VAT1L: variants seen among roughly 807,000 people sequenced by gnomAD.
VAT1L encodes vesicle amine transport 1 like.
In VAT1L, 34 loss-of-function variants were observed where a neutral mutation model predicts 44.1. That is an observed-to-expected ratio of 0.77 (90% CI 0.59 to 1.03). The LOEUF (loss-of-function observed/expected upper bound fraction) is 1.03, where lower values mean the gene tolerates loss of function less well. Ranked by LOEUF, VAT1L falls within the 50% of genes least tolerant of loss-of-function variation. VAT1L has a pLI of 0.00. For synonymous variants in VAT1L, 253 were observed against 202.2 expected (o/e 1.25, Z -2.13); for missense variants, 615 against 538.8 (o/e 1.14, Z -1.40).
intron 5 of VAT1L, 111 bp downstream of exon 5, chr16:77,876,584 G>A: frequency 1.1e-6 from 1 of 890,948 alleles, no homozygotes; most frequent in Non-Finnish European, 1.8e-6. Flanking sequence ...AGTGGGATGG[G>A]GGTGTTTCAT....
rs1042550238 is a variant in VAT1L at position 77,979,110 on chromosome 16, A to C, written c.*1415A>C. 4 of 152,644 alleles carry C rather than the reference A, an allele frequency of 2.6e-5. No homozygotes were observed. Among genetic ancestry groups the C allele is most frequent in the African/African-American group, 9.6e-5 (4 of 41,462 alleles). The allele number at this position is 152,644 out of a possible 1,614,324, so 9.5% of individuals were successfully genotyped here. The stretch of plus-strand genomic sequence containing the variant: ...CCAACCCTTTCCGCAAGTGGTAGGA[A>C]CGAATGCATCTTAGCAATTACCTGA... On this transcript the variant is annotated 3_prime_UTR_variant, in exon 9 of 9. Transcript: ENST00000302536.
chr16:77,863,666 C>T (rs562359983), intron 4 of VAT1L, among the ~76,000 whole-genome samples: 1 of 152,126 alleles, frequency 6.6e-6, no homozygotes, highest in African/African-American at 2.4e-5. Context: ...AATGCAAGAG[C>T]CTCAGAGGCT....
At chr16:77,856,305 A>G (rs186840360) in intron 3 of VAT1L, among the ~76,000 whole-genome samples, 22 of 152,196 alleles carry the variant, frequency 1.4e-4, no homozygotes, top group African/African-American at 4.8e-4. Flanking sequence ...CATTTTCCTA[A>G]GCCATCCATT....
At chr16:77,923,523 A>AT (rs1034021938) in intron 7 of VAT1L, among the ~76,000 whole-genome samples, 22 of 152,308 alleles carry the variant, frequency 1.4e-4, no homozygotes, top group African/African-American at 4.8e-4. Context: ...GGAAAGATTG[A>AT]TGTTAACAAA....
At chr16:77,908,625 G>C (rs1012205395) in intron 7 of VAT1L, among the ~76,000 whole-genome samples, 2 of 152,136 alleles carry the variant, frequency 1.3e-5, no homozygotes, top group East Asian at 3.9e-4. Flanking sequence ...GCTCAAGACA[G>C]GAAAAGGAGG....
chr16:77,809,001 G>A (rs1429731763), intron 1 of VAT1L, among the ~76,000 whole-genome samples: 1 of 152,218 alleles, frequency 6.6e-6, no homozygotes. Context: ...TAGGCTCAAT[G>A]TGCTAGTTGA....
At chr16:77,894,920 C>G (rs1005986999) in intron 7 of VAT1L, among the ~76,000 whole-genome samples, 1 of 152,104 alleles carries the variant, frequency 6.6e-6, no homozygotes, top group Non-Finnish European at 1.5e-5. Flanking sequence ...TGTGTGGCCT[C>G]AGAAAACCAT....
chr16:77,977,243 C>T (rs2142550411), intron 8 of VAT1L, among the ~76,000 whole-genome samples: 1 of 152,264 alleles, frequency 6.6e-6, no homozygotes, highest in South Asian at 2.1e-4. Flanking sequence ...GATGTGTCCC[C>T]CAGGGTCTCT....
At chr16:77,976,562 T>C (rs1274588941) in intron 8 of VAT1L, among the ~76,000 whole-genome samples, 2 of 152,062 alleles carry the variant, frequency 1.3e-5, no homozygotes, top group African/African-American at 2.4e-5. Context: ...GACTCAAGTG[T>C]GGGAGATCTG....
chr16:77,923,911 C>G (rs2017638851), intron 7 of VAT1L, among the ~76,000 whole-genome samples: 1 of 152,210 alleles, frequency 6.6e-6, no homozygotes, highest in African/African-American at 2.4e-5. Flanking sequence ...TGTCTCTCCA[C>G]AAGCTTGGAT....
chr16:77,929,228 C>A (rs2017702111), intron 7 of VAT1L, among the ~76,000 whole-genome samples: 1 of 152,152 alleles, frequency 6.6e-6, no homozygotes, highest in African/African-American at 2.4e-5. Flanking sequence ...AGAAATTCCC[C>A]CTCTCCTTCA....
intron 3 of VAT1L, among the ~76,000 whole-genome samples, chr16:77,845,199 C>T (rs1007118732): frequency 1.1e-4 from 17 of 152,182 alleles, no homozygotes; most frequent in African/African-American, 3.6e-4. Context: ...AGTCCCCATT[C>T]ACACAGGCAG....
At chr16:77,954,486 G>A (rs1196308320) in intron 7 of VAT1L, among the ~76,000 whole-genome samples, 1 of 152,156 alleles carries the variant, frequency 6.6e-6, no homozygotes, top group Non-Finnish European at 1.5e-5. Context: ...TTAGCCGGGT[G>A]TGGTAGCGCA....
At chr16:77,821,062 G>C (rs908934994) in intron 2 of VAT1L, among the ~76,000 whole-genome samples, 1 of 152,058 alleles carries the variant, frequency 6.6e-6, no homozygotes, top group Non-Finnish European at 1.5e-5. Context: ...CCCACCCATG[G>C]AGAAGTTAGA....
At chr16:77,910,495 A>G (rs1597094567) in intron 7 of VAT1L, among the ~76,000 whole-genome samples, 1 of 151,934 alleles carries the variant, frequency 6.6e-6, no homozygotes, top group African/African-American at 2.4e-5. Context: ...ACACGGTGAA[A>G]CCCCGTCTCT....
intron 7 of VAT1L, among the ~76,000 whole-genome samples, chr16:77,935,667 G>A (rs745950664): frequency 2.0e-5 from 3 of 152,040 alleles, no homozygotes; most frequent in African/African-American, 7.2e-5. Context: ...TGGGAAAGAG[G>A]TTCAGACTGG....
rs146676777 is a variant in VAT1L at position 77,977,502 on chromosome 16, C to T, written c.1162-95C>T. The T allele has an allele frequency of 5.0e-3, 6,305 of 1,252,886 alleles. 25 individuals are homozygous for T. Among genetic ancestry groups the T allele is most frequent in the Non-Finnish European group, 6.2e-3 (5,475 of 886,226 alleles). The allele number at this position is 1,252,886 out of a possible 1,614,324, so 77.6% of individuals were successfully genotyped here. On this transcript the variant is annotated intron_variant, in intron 8 of 8. Transcript: ENST00000302536. The stretch of plus-strand genomic sequence containing the variant: ...GGAAACAAGCAACCCTAGTTCCTAG[C>T]CCCCAAGAAGTCCTCCCATAGGACT...
chr16:77,921,077 T>G (rs1448321719), intron 7 of VAT1L, among the ~76,000 whole-genome samples: 1 of 152,224 alleles, frequency 6.6e-6, no homozygotes, highest in Non-Finnish European at 1.5e-5. Context: ...TTTGCCAGTT[T>G]CATTGCCTCG....
intron 1 of VAT1L, among the ~76,000 whole-genome samples, chr16:77,806,106 G>A (rs1276745591): frequency 6.6e-6 from 1 of 151,824 alleles, no homozygotes; most frequent in Non-Finnish European, 1.5e-5. Flanking sequence ...CAGGTGATCT[G>A]CCTGCCTTGG....
Sources: gnomAD v4.1 joint callset for allele counts (sites outside exome capture counted in the v4.1 genomes callset) on GRCh38, gnomAD v4.1.1 for gene constraint, MANE v1.5 for transcripts, NCBI Gene and HGNC (gene_info 2026-07-23, HGNC 2026-07-21) for gene names.